Variants in NCEH1 observed in about 807,000 individuals in gnomAD.
NCEH1 encodes the protein 2-acetyl MAGE hydrolase.
In NCEH1, 9 loss-of-function variants were observed where a neutral mutation model predicts 25.4. The ratio of observed to expected loss-of-function variants is 0.35; its 90% confidence interval spans 0.21 to 0.62. The LOEUF (loss-of-function observed/expected upper bound fraction) is 0.62, where lower values mean the gene tolerates loss of function less well. NCEH1 is among the 20% of genes least tolerant of loss of function. NCEH1 has a pLI of 0.72. For synonymous variants in NCEH1, 200 were observed against 199.8 expected, an observed-to-expected ratio of 1.00 and a Z score of -0.01; for missense variants, 412 against 501.1, an observed-to-expected ratio of 0.82 and a Z score of 1.70.
At chr3:172,695,424 A>G (rs1177872931) in intron 1 of NCEH1, among the ~76,000 whole-genome samples, 1 of 152,224 alleles carries the variant, frequency 6.6e-6, no homozygotes, top group East Asian at 1.9e-4. Context: ...TCCTTGATAT[A>G]AGACAGTGAC....
rs145528549 is a variant in NCEH1, at chr3:172,649,247, T to C, written c.139-1133A>G. Among the ~76,000 whole-genome samples the C allele has an allele frequency of 1.3e-3, 194 of 151,982 alleles. 4 individuals carry two copies. In the East Asian group the frequency reaches 0.03, roughly 24 times the overall value. ...TTATATATACATACATATATATATA[T>C]ACACACACACATATATATATGTCCT... On this transcript the variant is annotated intron_variant, in intron 1 of 4. Coordinates refer to ENST00000475381, the MANE Select transcript of NCEH1 (RefSeq NM_020792.6).
At chr3:172,644,454 G>A (rs1717021201) in intron 3 of NCEH1, among the ~76,000 whole-genome samples, 1 of 152,192 alleles carries the variant, frequency 6.6e-6, no homozygotes, top group Non-Finnish European at 1.5e-5. Context: ...GCAAGAAAAA[G>A]TGGTTGGCGT....
rs75894360 is a variant in NCEH1 at position 172,634,827 on chromosome 3, A to C, written c.610-735T>G. Among the ~76,000 whole-genome samples the C allele has an allele frequency of 4.6e-5, 7 of 152,330 alleles. No homozygotes were observed. In the East Asian group the frequency reaches 1.3e-3, roughly 29 times the overall value. On this transcript the variant is annotated intron_variant, in intron 4 of 4. Transcript: ENST00000475381. The stretch of plus-strand genomic sequence containing the variant: ...TAGTCATGAAGCTTCATAGACAACT[A>C]AATGATCTTCAAGGTAACTTTAGCC...
At chr3:172,668,007 C>T (rs1015653058) in intron 1 of NCEH1, among the ~76,000 whole-genome samples, 1 of 152,166 alleles carries the variant, frequency 6.6e-6, no homozygotes, top group Admixed American at 6.5e-5. Context: ...ATAACAAAAC[C>T]TTAGGCAAAT....
rs376007303 is a variant in NCEH1 at position 172,681,942 on chromosome 3, C to G, written c.138+28905G>C. ...AAAAGACTGAACAACACTCCTTTTT[C>G]AAAGAAAAATTATGCCCCATAACTG... On this transcript the variant is annotated intron_variant, in intron 1 of 4. Transcript: ENST00000475381. Among the ~76,000 whole-genome samples, 79 of 151,360 alleles carry G rather than the reference C, an allele frequency of 5.2e-4. 2 individuals carry two copies. The South Asian group carries it at 0.016, about 31-fold the overall frequency.
intron 1 of NCEH1, among the ~76,000 whole-genome samples, chr3:172,659,012 G>A (rs1211391551): frequency 6.6e-6 from 1 of 151,988 alleles, no homozygotes; most frequent in Non-Finnish European, 1.5e-5. Flanking sequence ...TGTTCTCATT[G>A]TCAAGGAATC....
Position 172,710,955 on chromosome 3 carries a change from G to A in NCEH1, c.30C>T (p.Ala10=). ...CGTAATAGGCGGCCAGCGCCACCAG[G>A]GCGGTGAGCAGGACACAGGACGACC... MRSSCVLLT[A]LVALAAYYVY... is the part of the protein sequence containing the mutation. The change falls in exon 1 of 5, where the codon GCC becomes GCT. Residue 10 remains alanine, a synonymous_variant. Coordinates refer to ENST00000475381, the MANE Select transcript of NCEH1 (RefSeq NM_020792.6). 1 of 1,614,112 alleles carries A rather than the reference G, an allele frequency of 6.2e-7. No homozygotes were observed. Among genetic ancestry groups the A allele is most frequent in the Non-Finnish European group, 8.5e-7 (1 of 1,180,000 alleles).
Position 172,710,868 on chromosome 3 carries a change from A to G in NCEH1, c.117T>C (p.Thr39=), listed in dbSNP as rs769879244. ...TCACCACTTGCTGTGCACCCCGGAA[A>G]GTGGCGTCCAGCAGCATCAGCTTCC... is the stretch of plus-strand genomic sequence containing the variant. ...DPWKLMLLDA[T]FRGAQQVSNL... Residue 39 remains threonine, a synonymous_variant, in exon 1 of 5, where the codon ACT becomes ACC. Transcript: ENST00000475381. 1.2e-6 allele frequency: 2 copies of G among 1,614,118 alleles called. No homozygotes were observed. Among genetic ancestry groups the G allele is most frequent in the South Asian group, 2.2e-5 (2 of 91,088 alleles).
At chr3:172,638,864 T>C (rs993703636) in intron 3 of NCEH1, among the ~76,000 whole-genome samples, 19 of 152,172 alleles carry the variant, frequency 1.2e-4, no homozygotes, top group African/African-American at 4.6e-4. Flanking sequence ...GCTTATATAA[T>C]AGGATAAACA....
chr3:172,667,837 T>C (rs770843815), intron 1 of NCEH1, among the ~76,000 whole-genome samples: 1 of 152,196 alleles, frequency 6.6e-6, no homozygotes, highest in Non-Finnish European at 1.5e-5. Context: ...GCATGGCATT[T>C]TTACTAAACC....
At chr3:172,647,620 G>A (rs1717180724) in intron 2 of NCEH1, among the ~76,000 whole-genome samples, 1 of 152,156 alleles carries the variant, frequency 6.6e-6, no homozygotes, top group South Asian at 2.1e-4. Flanking sequence ...TTTTACAACA[G>A]TCTACCTGAA....
Position 172,633,181 on chromosome 3 carries a change from C to A in NCEH1, c.*294G>T. ...TGAAGGCAGGACCCAAAGTTATTTC[C>A]AGTTCCTAGTCCTGCTTTCTGTAGC... On this transcript the variant is annotated 3_prime_UTR_variant, in exon 5 of 5. Coordinates refer to ENST00000475381, the MANE Select transcript of NCEH1 (RefSeq NM_020792.6). The A allele has an allele frequency of 9.5e-6, 3 of 315,620 alleles. No individual in the cohort carries two copies. The highest frequency in any genetic ancestry group is 1.8e-5 in the Non-Finnish European group (3 of 170,852). The allele number at this position is 315,620 out of a possible 1,614,324, so 19.6% of individuals were successfully genotyped here. A position where few individuals can be genotyped will look rare whatever the true frequency, so the allele number is the denominator to read the frequency against.
chr3:172,656,225 C>CA (rs1200513516), intron 1 of NCEH1, among the ~76,000 whole-genome samples: 4 of 152,128 alleles, frequency 2.6e-5, no homozygotes, highest in African/African-American at 9.7e-5. Flanking sequence ...GGCACTAGAA[C>CA]AGTTGGGAGA....
intron 1 of NCEH1, 137 bp from the exon 2 acceptor site, chr3:172,648,251 A>G (rs1466379274): frequency 1.0e-6 from 1 of 960,050 alleles, no homozygotes; most frequent in Non-Finnish European, 1.5e-6. Flanking sequence ...CCCTTTTAAT[A>G]CAAAAACCAA....
chr3:172,661,128 T>C (rs894619773), intron 1 of NCEH1, among the ~76,000 whole-genome samples: 1 of 152,250 alleles, frequency 6.6e-6, no homozygotes, highest in Non-Finnish European at 1.5e-5. Flanking sequence ...ATGTCTTTAA[T>C]ACATCTTGAA....
chr3:172,681,684 G>A (rs111536957), intron 1 of NCEH1, among the ~76,000 whole-genome samples: 3,079 of 145,658 alleles, frequency 0.021, 98 homozygotes, highest in African/African-American at 0.074. Context: ...GAGGTCAGGA[G>A]TTCGAGACCA....
At position 172,631,002 on chromosome 3, in the gene NCEH1, A is replaced by G. The variant is rs1716322126; in HGVS notation, c.*2473T>C. On this transcript the variant is annotated 3_prime_UTR_variant, in exon 5 of 5. Transcript: ENST00000475381. ...ATCATTTTTTTCATAAAATAGGAAAAGAAAGCCACAGTACTAAAAAAAAAA... is the reference window on the plus strand; with the variant it reads ...ATCATTTTTTTCATAAAATAGGAAAGGAAAGCCACAGTACTAAAAAAAAAA... 6.6e-6 allele frequency: 1 copy of G among 151,944 alleles called. No individual in the cohort carries two copies. The highest frequency in any genetic ancestry group is 1.5e-5 in the Non-Finnish European group (1 of 68,020). 9.4% of individuals were successfully genotyped at this position (151,944 alleles called of 1,614,324 possible).
Position 172,679,028 on chromosome 3 carries a change from C to T in NCEH1, c.139-30914G>A, listed in dbSNP as rs577077149. Among the ~76,000 whole-genome samples the T allele has an allele frequency of 1.2e-4, 18 of 152,310 alleles. No individual in the cohort carries two copies. In the South Asian group the frequency reaches 1.5e-3, roughly 12 times the overall value. ...GACGCATCCACCCTACTGCTGTGTC[C>T]GCTTTCCATTGGCTGGAATGGGACC... On this transcript the variant is annotated intron_variant, in intron 1 of 4. Coordinates refer to ENST00000475381, the MANE Select transcript of NCEH1 (RefSeq NM_020792.6).
chr3:172,681,254 T>C (rs2108520641), intron 1 of NCEH1: 1 of 151,934 alleles, frequency 6.6e-6, no homozygotes, highest in Admixed American at 6.6e-5. Flanking sequence ...AGAAAGATCA[T>C]GAAGAAAACA....
Sources: gnomAD v4.1 joint callset for allele counts (sites outside exome capture counted in the v4.1 genomes callset) on GRCh38, gnomAD v4.1.1 for gene constraint, MANE v1.5 for transcripts, NCBI Gene and HGNC (gene_info 2026-07-23, HGNC 2026-07-21) for gene names.